The following WNT9A variants were observed in gnomAD, a reference collection of about 807,000 sequenced individuals.
The protein encoded by WNT9A is Wnt family member 9A.
Under a neutral mutation model 31.4 loss-of-function variants are expected in WNT9A, and 8 were observed. That is an observed-to-expected ratio of 0.26 (90% CI 0.15 to 0.46). WNT9A has a LOEUF of 0.46. WNT9A is among the 20% of genes least tolerant of loss of function. The pLI is 0.99. For missense variants in WNT9A, 457 were observed against 522.9 expected, an observed-to-expected ratio of 0.87 and a Z score of 1.23; for synonymous variants, 236 against 220.1, an observed-to-expected ratio of 1.07 and a Z score of -0.64.
At position 227,935,620 on chromosome 1, in the gene WNT9A, C is replaced by T. The variant is rs183749389; in HGVS notation, c.96-10101G>A. ...TTAACCACACTCCAATCAACCCAGG[C>T]TTTCGCCTGGAGCAGTTCATCCCCT... On this transcript the variant is annotated intron_variant, in intron 1 of 3. Coordinates refer to ENST00000272164, the MANE Select transcript of WNT9A (RefSeq NM_003395.4). 1.4e-4 allele frequency among the ~76,000 whole-genome samples: 22 copies of T among 152,380 alleles called. No individual in the cohort carries two copies. In the East Asian group the frequency reaches 3.9e-3, roughly 27 times the overall value.
chr1:227,936,616 T>A (rs571420226), intron 1 of WNT9A, among the ~76,000 whole-genome samples: 1 of 149,776 alleles, frequency 6.7e-6, no homozygotes, highest in African/African-American at 2.5e-5. Flanking sequence ...ATTACAGGCA[T>A]GAGCCACTGC....
intron 1 of WNT9A, among the ~76,000 whole-genome samples, chr1:227,931,359 C>T (rs1037941180): frequency 6.6e-6 from 1 of 152,294 alleles, no homozygotes; most frequent in East Asian, 1.9e-4. Context: ...AGTTTCAGTG[C>T]CTGTGTGAAG....
chr1:227,947,081 AGAAG>A (rs1666806580), intron 1 of WNT9A, among the ~76,000 whole-genome samples: 1 of 152,086 alleles, frequency 6.6e-6, no homozygotes, highest in Non-Finnish European at 1.5e-5. Flanking sequence ...GGGGGAGGGA[AGAAG>A]GAAGGGAAAG....
rs376338297 is a variant in WNT9A, at chr1:227,924,274, C to T, written c.479G>A (p.Arg160His). Reference protein sequence around the residue: ...TCDEAPDLENREAWQWGGCGD... With the variant: ...TCDEAPDLENHEAWQWGGCGD... ...GCAGCCCCCCCACTGCCAGGCCTCA[C>T]GGTTCTCCAGGTCGGGTGCCTCATC... The change falls in exon 3 of 4, where the codon CGT (arginine) becomes CAT (histidine). Residue 160 changes from arginine to histidine, a missense_variant. Transcript: ENST00000272164. 8 of 1,613,772 alleles carry T rather than the reference C, an allele frequency of 5.0e-6. No individual in the cohort carries two copies. Among genetic ancestry groups the T allele is most frequent in the East Asian group, 4.5e-5 (2 of 44,888 alleles).
rs980452260 is a variant in WNT9A, at chr1:227,921,425, C to G, written c.*93G>C. The G allele has an allele frequency of 6.6e-7, 1 of 1,522,506 alleles. No individual in the cohort carries two copies. The highest frequency in any genetic ancestry group is 8.8e-7 in the Non-Finnish European group (1 of 1,133,888). The allele number at this position is 1,522,506 out of a possible 1,614,324, so 94.3% of individuals were successfully genotyped here. A position where few individuals can be genotyped will look rare whatever the true frequency, so the allele number is the denominator to read the frequency against. On this transcript the variant is annotated 3_prime_UTR_variant, in exon 4 of 4. Coordinates refer to ENST00000272164, the MANE Select transcript of WNT9A (RefSeq NM_003395.4). Reference sequence around the variant, plus strand: ...CTGTACCCCACGCAGCTGGGCTGGTCGAGCCCAGGAACTCAGCCTGTGCAG... The same window carrying G: ...CTGTACCCCACGCAGCTGGGCTGGTGGAGCCCAGGAACTCAGCCTGTGCAG...
Position 227,924,340 on chromosome 1 carries a change from G to A in WNT9A, c.413C>T (p.Ala138Val). 1 of 1,613,604 alleles carries A rather than the reference G, an allele frequency of 6.2e-7. No individual in the cohort carries two copies. The highest frequency in any genetic ancestry group is 8.5e-7 in the Non-Finnish European group (1 of 1,179,964). ...ISSAGLTHAL[A>V]KACSAGRMER... ...CATGCGGCCCGCGCTGCACGCCTTG[G>A]CCAGTGCGTGCGTCAGGCCAGCCGA... The change falls in exon 3 of 4, where the codon GCC (alanine) becomes GTC (valine). Residue 138 changes from alanine to valine, a missense_variant. Coordinates refer to ENST00000272164, the MANE Select transcript of WNT9A (RefSeq NM_003395.4).
chr1:227,936,191 TTTTTC>T (rs369446781), intron 1 of WNT9A, among the ~76,000 whole-genome samples: 1,877 of 151,632 alleles, frequency 0.012, 12 homozygotes, highest in African/African-American at 0.02. Flanking sequence ...TTTCTTTTTC[TTTTTC>T]TTTTTTTTTT....
chr1:227,934,453 G>A (rs1417032159), intron 1 of WNT9A, among the ~76,000 whole-genome samples: 2 of 152,156 alleles, frequency 1.3e-5, no homozygotes, highest in African/African-American at 4.8e-5. Flanking sequence ...TTTGTCTGAA[G>A]AATCTGTAGG....
chr1:227,924,001 C>T, intron 3 of WNT9A, 137 bp downstream of exon 3: 4 of 1,250,804 alleles, frequency 3.2e-6, no homozygotes, highest in Non-Finnish European at 3.3e-6. Context: ...ACGGCCTCCA[C>T]CCTCCTACAG....
intron 1 of WNT9A, among the ~76,000 whole-genome samples, chr1:227,929,029 A>G (rs572118461): frequency 2.0e-5 from 3 of 152,182 alleles, no homozygotes; most frequent in Non-Finnish European, 4.4e-5. Flanking sequence ...GTCTGGATGC[A>G]TATCTCTTCC....
At chr1:227,924,922 G>C (rs572285568) in intron 2 of WNT9A, among the ~76,000 whole-genome samples, 9 of 152,188 alleles carry the variant, frequency 5.9e-5, no homozygotes, top group Non-Finnish European at 8.8e-5. Flanking sequence ...GGAGGGGCAG[G>C]AAGAGAGTCT....
At position 227,926,449 on chromosome 1, in the gene WNT9A, T is replaced by A. The variant is rs1371189243; in HGVS notation, c.96-930A>T. Among the ~76,000 whole-genome samples, 1 of 151,658 alleles carries A rather than the reference T, an allele frequency of 6.6e-6. No homozygotes were observed. The highest frequency in any genetic ancestry group is 1.5e-5 in the Non-Finnish European group (1 of 67,902). On this transcript the variant is annotated intron_variant, in intron 1 of 3. Transcript: ENST00000272164. The surrounding 1 kb of genome is among the most constrained non-coding windows in gnomAD (Gnocchi z 5.0). The stretch of plus-strand genomic sequence containing the variant: ...CCCCGCCCTGGCCCAGCCCAGCCCA[T>A]ATCGAGTCAAGAGCCCTCAACCCCA...
intron 3 of WNT9A, among the ~76,000 whole-genome samples, chr1:227,923,456 G>T (rs927394011): frequency 6.6e-6 from 1 of 152,210 alleles, no homozygotes; most frequent in African/African-American, 2.4e-5. Context: ...GGCACTGACA[G>T]GCTGCAGGTA....
intron 1 of WNT9A, among the ~76,000 whole-genome samples, chr1:227,940,591 C>T (rs902241928): frequency 2.7e-4 from 41 of 152,334 alleles, no homozygotes; most frequent in African/African-American, 7.5e-4. Context: ...CCAGGAGGGA[C>T]GCCGGCCCTG....
chr1:227,946,931 C>A (rs1666803662), intron 1 of WNT9A, among the ~76,000 whole-genome samples: 1 of 152,182 alleles, frequency 6.6e-6, no homozygotes, highest in Non-Finnish European at 1.5e-5. Context: ...CCAGCGGCGG[C>A]GCTCGGGGTA....
In WNT9A at chr1:227,925,626, G is replaced by T. The variant is rs1558259792; in HGVS notation, c.96-107C>A. 2.1e-6 allele frequency: 3 copies of T among 1,410,782 alleles called. No homozygotes were observed. The highest frequency in any genetic ancestry group is 2.8e-6 in the Non-Finnish European group (3 of 1,082,328). The allele number at this position is 1,410,782 out of a possible 1,614,324, so 87.4% of individuals were successfully genotyped here. ...AGGGGACAGGCGTGTCCATCCGGGG[G>T]TGAGGGGGCAGAAAGAATCCAGGAT... On this transcript the variant is annotated intron_variant, in intron 1 of 3. Coordinates refer to ENST00000272164, the MANE Select transcript of WNT9A (RefSeq NM_003395.4). This position sits in a 1 kb window ranked among gnomAD's most constrained non-coding sequence, Gnocchi z 6.0.
intron 1 of WNT9A, among the ~76,000 whole-genome samples, chr1:227,943,900 G>A (rs182708453): frequency 3.9e-4 from 60 of 152,292 alleles, no homozygotes; most frequent in Non-Finnish European, 6.5e-4. Context: ...GAGGACGGTT[G>A]AGCCTCTGAG....
chr1:227,941,318 G>C (rs1242807370), intron 1 of WNT9A, among the ~76,000 whole-genome samples: 1 of 152,148 alleles, frequency 6.6e-6, no homozygotes, highest in Non-Finnish European at 1.5e-5. Flanking sequence ...TCCCAGAATT[G>C]AGCGACCAGG....
chr1:227,923,936 G>T (rs1220255247), intron 3 of WNT9A, among the ~76,000 whole-genome samples: 1 of 152,126 alleles, frequency 6.6e-6, no homozygotes, highest in African/African-American at 2.4e-5. Context: ...TGCCCCGTTT[G>T]GTGGGTAGGG....
Sources: gnomAD v4.1 joint callset for allele counts (sites outside exome capture counted in the v4.1 genomes callset) on GRCh38, gnomAD v4.1.1 for gene constraint, Gnocchi (gnomAD v3.1) non-coding constraint, MANE v1.5 for transcripts, NCBI Gene and HGNC (gene_info 2026-07-23, HGNC 2026-07-21) for gene names.